MUC12: variants seen among roughly 807,000 people sequenced by gnomAD.
The protein encoded by MUC12 is mucin-12.
In MUC12, 172 loss-of-function variants were observed where a neutral mutation model predicts 230.8. The observed-to-expected ratio is 0.75, with a 90% CI of 0.66 to 0.85. The LOEUF (loss-of-function observed/expected upper bound fraction) is 0.85, where lower values mean the gene tolerates loss of function less well. Among genes scored for constraint, MUC12 ranks in the 40% least tolerant of loss-of-function variants. The probability of loss-of-function intolerance (pLI) is 0.00; values close to 1 mark genes in which losing one functional copy is unlikely to be tolerated. For synonymous variants in MUC12, 1,259 were observed against 2,401.9 expected (o/e 0.52, Z 13.91); for missense variants, 3,506 against 5,920.6 (o/e 0.59, Z 13.38).
intron 1 of MUC12, among the ~76,000 whole-genome samples, chr7:100,970,654 A>G (rs572646055): frequency 3.9e-5 from 6 of 152,246 alleles, no homozygotes; most frequent in African/African-American, 7.2e-5. Context: ...CAGGCAGATC[A>G]CGAGGTCAGG....
Position 100,981,735 on chromosome 7 carries a change from C to T in MUC12, c.68-8896C>T, listed in dbSNP as rs1416217896. On this transcript the variant is annotated intron_variant, in intron 1 of 11. Coordinates refer to ENST00000536621, the MANE Select transcript of MUC12 (RefSeq NM_001164462.2). ...GAGAGCAGGTATGTTCGGAATGGTC[C>T]CCCGCATTCCACAGTGTCCCTGCCT... Among the ~76,000 whole-genome samples the T allele has an allele frequency of 2.0e-5, 3 of 152,078 alleles. No individual in the cohort carries two copies. In the South Asian group the frequency reaches 6.2e-4, roughly 32 times the overall value.
In MUC12 at chr7:100,992,410, A is replaced by G. The variant is rs756294563; in HGVS notation, c.1847A>G (p.His616Arg). The G allele has an allele frequency of 4.6e-6, 7 of 1,537,516 alleles. No individual in the cohort carries two copies. In the Middle Eastern group the frequency reaches 5.0e-4, roughly 110 times the overall value. ...MPVHSSTRSP[H>R]TTLSPAGSTT... ...GTCCACAGCAGCACCAGATCGCCAC[A>G]CACAACACTGTCCCCTGCCGGCTCT... is the stretch of plus-strand genomic sequence containing the variant. The change falls in exon 2 of 12, where the codon CAC becomes CGC. Residue 616 changes from histidine (H) to arginine (R), a missense_variant. Transcript: ENST00000536621.
intron 1 of MUC12, among the ~76,000 whole-genome samples, chr7:100,978,477 G>A (rs1363337384): frequency 6.6e-6 from 1 of 152,100 alleles, no homozygotes; most frequent in South Asian, 2.1e-4. Context: ...TCTCATTTTC[G>A]AGGGAGAAAT....
At chr7:101,006,654 C>T in intron 3 of MUC12, 82 bp downstream of exon 3, 1 of 932,042 alleles carries the variant, frequency 1.1e-6, no homozygotes, top group African/African-American at 1.6e-5. Context: ...GAAGGATCAG[C>T]CACTGCCTCA....
intron 1 of MUC12, among the ~76,000 whole-genome samples, chr7:100,977,185 G>A (rs1465266939): frequency 6.6e-6 from 1 of 151,890 alleles, no homozygotes; most frequent in Admixed American, 6.6e-5. Flanking sequence ...CTATAATTGG[G>A]GATGCCTGTG....
At chr7:100,984,413 T>C (rs1316874659) in intron 1 of MUC12, among the ~76,000 whole-genome samples, 1 of 151,668 alleles carries the variant, frequency 6.6e-6, no homozygotes. Context: ...CCCACCACCA[T>C]ACCCGGCTAA....
chr7:100,988,638 C>T (rs1465408091), intron 1 of MUC12, among the ~76,000 whole-genome samples: 2 of 152,124 alleles, frequency 1.3e-5, no homozygotes, highest in Non-Finnish European at 2.9e-5. Context: ...CGGGTGACTG[C>T]CTTAGCTCTT....
chr7:100,990,581 G>A, intron 1 of MUC12, 50 bp from the exon 2 acceptor site: 14 of 1,534,050 alleles, frequency 9.1e-6, no homozygotes, highest in Non-Finnish European at 1.1e-5. Context: ...CCAAACATGA[G>A]GAGACAGTCA....
At chr7:100,987,616 C>G (rs1793211237) in intron 1 of MUC12, among the ~76,000 whole-genome samples, 1 of 152,210 alleles carries the variant, frequency 6.6e-6, no homozygotes. Context: ...TGTTGAATGG[C>G]TTGGACCATC....
chr7:100,981,457 C>G (rs1793104774), intron 1 of MUC12: 4 of 556,880 alleles, frequency 7.2e-6, no homozygotes, highest in Non-Finnish European at 1.3e-5. Context: ...GGGGCTCCCA[C>G]TTAGTGAGCA....
In MUC12 at chr7:101,013,057, G is replaced by C; in HGVS notation, c.15553G>C (p.Val5185Leu). 1 of 1,537,254 alleles carries C rather than the reference G, an allele frequency of 6.5e-7. No homozygotes were observed. The highest frequency in any genetic ancestry group is 2.4e-5 in the East Asian group (1 of 40,932). ...VDVLDGKLAC[V>L]NKCTKGTKSQ... is the part of the protein sequence containing the mutation. ...TGTCTTGGATGGGAAGCTGGCCTGTGTGAACAAGTGCACCAAAGGAACGAA... is the reference window on the plus strand; with the variant it reads ...TGTCTTGGATGGGAAGCTGGCCTGTCTGAACAAGTGCACCAAAGGAACGAA... The change falls in exon 8 of 12, where the codon GTG (valine) becomes CTG (leucine). Residue 5185 changes from valine (V) to leucine (L), a missense_variant. Val to Leu is a conservative substitution (Grantham distance 32, BLOSUM62 1). Coordinates refer to ENST00000536621, the MANE Select transcript of MUC12 (RefSeq NM_001164462.2).
Position 101,014,008 on chromosome 7 carries a change from C to T in MUC12, c.15734C>T (p.Ala5245Val), listed in dbSNP as rs755336618. The change falls in exon 9 of 12, where the codon GCG (alanine) becomes GTG (valine). Residue 5245 changes from alanine to valine, a missense_variant. Ala to Val is a moderately conservative substitution (Grantham distance 64). Transcript: ENST00000536621. ...TATGGGATCGTGGGGGCTGTGATGG[C>T]GGTGCTGCTGCTCGCATTGATCATC... is the stretch of plus-strand genomic sequence containing the variant. Reference protein sequence around the residue: ...LVYGIVGAVMAVLLLALIILI... With the variant: ...LVYGIVGAVMVVLLLALIILI... 19 of 1,536,780 alleles carry T rather than the reference C, an allele frequency of 1.2e-5. No homozygotes were observed. Among genetic ancestry groups the T allele is most frequent in the Non-Finnish European group, 1.6e-5 (18 of 1,146,790 alleles).
Position 100,995,478 on chromosome 7 carries a change from C to G in MUC12, c.4915C>G (p.Pro1639Ala), listed in dbSNP as rs754142263. The change falls in exon 2 of 12, where the codon CCA (proline) becomes GCA (alanine). Residue 1639 changes from proline (P) to alanine (A), a missense_variant. Transcript: ENST00000536621. ...AGAATCTACTACTTTCCACAGCAGC[C>G]CAGGCTCCACTGAAACAACACTCTT... ...GPESTTFHSSPGSTETTLLPD... is the reference protein window; with the variant it reads ...GPESTTFHSSAGSTETTLLPD... 4 of 1,533,980 alleles carry G rather than the reference C, an allele frequency of 2.6e-6. No individual in the cohort carries two copies. In the South Asian group the frequency reaches 4.8e-5, roughly 18 times the overall value.
chr7:100,971,411 G>A (rs1226961277), intron 1 of MUC12, among the ~76,000 whole-genome samples: 1 of 152,232 alleles, frequency 6.6e-6, no homozygotes, highest in Non-Finnish European at 1.5e-5. Context: ...GGTGGTGAGG[G>A]GGCAGGGGAG....
intron 1 of MUC12, among the ~76,000 whole-genome samples, chr7:100,984,910 G>C (rs1456310635): frequency 1.3e-5 from 2 of 152,060 alleles, no homozygotes; most frequent in African/African-American, 4.8e-5. Context: ...TGTTGCTCAG[G>C]CTGGAGTGCA....
intron 5 of MUC12, among the ~76,000 whole-genome samples, chr7:101,011,818 T>C: frequency 6.6e-6 from 1 of 152,246 alleles, no homozygotes; most frequent in Non-Finnish European, 1.5e-5. Context: ...GCTTCCACCT[T>C]TTGGCTATGG....
intron 9 of MUC12, 116 bp from the exon 10 acceptor site, chr7:101,015,499 T>C (rs537102377): frequency 2.5e-6 from 2 of 801,952 alleles, no homozygotes; most frequent in South Asian, 1.7e-5. Flanking sequence ...ATCGCTGCCA[T>C]CTCTGACTCG....
intron 1 of MUC12, among the ~76,000 whole-genome samples, chr7:100,982,887 C>A (rs1214135212): frequency 6.6e-6 from 1 of 151,958 alleles, no homozygotes; most frequent in Non-Finnish European, 1.5e-5. Context: ...GTGCATGTAC[C>A]ACACTGGGCT....
intron 1 of MUC12, among the ~76,000 whole-genome samples, chr7:100,978,400 C>T (rs890317636): frequency 9.9e-5 from 15 of 152,208 alleles, no homozygotes; most frequent in African/African-American, 3.6e-4. Context: ...CAGCTCATCC[C>T]AGTGCCTCCC....
Sources: allele counts gnomAD v4.1 joint callset (sites outside exome capture counted in the v4.1 genomes callset), GRCh38; gene constraint gnomAD v4.1.1; transcripts MANE v1.5; gene names NCBI Gene and HGNC (gene_info 2026-07-23, HGNC 2026-07-21).